Variants in NCLN observed in about 807,000 individuals in gnomAD.
The protein encoded by NCLN is nicalin, also known as BOS complex subunit NCLN.
NCLN carries 34 observed loss-of-function variants against 69.5 expected under a neutral mutation model. The ratio of observed to expected loss-of-function variants is 0.49; its 90% CI spans 0.37 to 0.65. NCLN has a LOEUF of 0.65. Ranked by LOEUF, NCLN falls within the 30% of genes least tolerant of loss-of-function variation. The pLI, the probability that NCLN is intolerant of heterozygous loss-of-function variation, is 0.00. For synonymous variants in NCLN, 393 were observed against 358.3 expected, an observed-to-expected ratio of 1.10 and a Z score of -1.09; for missense variants, 710 against 804.8, an observed-to-expected ratio of 0.88 and a Z score of 1.42.
intron 1 of NCLN, among the ~76,000 whole-genome samples, chr19:3,188,722 G>A (rs144184180): frequency 6.6e-6 from 1 of 152,298 alleles, no homozygotes; most frequent in Non-Finnish European, 1.5e-5. Flanking sequence ...TGTGGCATTC[G>A]CCCAGCTGGT....
Position 3,207,619 on chromosome 19 carries a change from G to A in NCLN, c.1633-10G>A. On this transcript the variant is annotated splice_polypyrimidine_tract_variant and intron_variant, in intron 14 of 14. Coordinates refer to ENST00000246117, the MANE Select transcript of NCLN (RefSeq NM_020170.4). ...GCCCACATCCTCACTCCCTCCTGCT[G>A]TGTCCCCAGCACTTCAGCCTCCTCT... is the stretch of plus-strand genomic sequence containing the variant. 19 of 1,612,866 alleles carry A rather than the reference G, an allele frequency of 1.2e-5. No homozygotes were observed. The highest frequency in any genetic ancestry group is 1.6e-5 in the Non-Finnish European group (19 of 1,179,828).
chr19:3,206,031 G>A lies in NCLN; in HGVS notation c.1296+5G>A, dbSNP rs1310284038. 6 of 1,612,292 alleles carry A rather than the reference G, an allele frequency of 3.7e-6. No homozygotes were observed. Among genetic ancestry groups the A allele is most frequent in the Non-Finnish European group, 5.1e-6 (6 of 1,179,936 alleles). ...ATCTACAACCTGACAGAGAAGGTGA[G>A]CCCTGAGCCCTCTGTGCCGCCAGAC... is the stretch of plus-strand genomic sequence containing the variant. On this transcript the variant is annotated splice_donor_5th_base_variant and intron_variant, in intron 10 of 14. Transcript: ENST00000246117.
intron 3 of NCLN, among the ~76,000 whole-genome samples, chr19:3,194,384 A>G (rs371488073): frequency 2.4e-4 from 35 of 148,434 alleles, no homozygotes; most frequent in African/African-American, 7.4e-4. Context: ...TGTCCATCTC[A>G]AAAAAAAAAA....
Position 3,192,502 on chromosome 19 carries a change from C to A in NCLN, c.217C>A (p.Arg73Ser). ...TRNAVLNTEA[R>S]TMAAEVLSRR... The stretch of plus-strand genomic sequence containing the variant: ...GAATGCAGTGCTGAACACGGAGGCG[C>A]GCACGATGGCGGCGGAGGTGCTGAG... Residue 73 changes from arginine (R) to serine (S), a missense_variant, in exon 2 of 15, where the codon CGC becomes AGC. Physicochemically the swap from Arg to Ser is moderately radical, Grantham distance 110 (BLOSUM62 -1). Transcript: ENST00000246117. 1 of 1,607,316 alleles carries A rather than the reference C, an allele frequency of 6.2e-7. No homozygotes were observed. The highest frequency in any genetic ancestry group is 8.5e-7 in the Non-Finnish European group (1 of 1,177,980).
rs777953086 is a variant in NCLN at position 3,207,606 on chromosome 19, ACTCC to A, written c.1633-18_1633-15del. The A allele has an allele frequency of 6.2e-7, 1 of 1,611,524 alleles. No individual in the cohort carries two copies. The highest frequency in any genetic ancestry group is 1.7e-5 in the Admixed American group (1 of 59,910). ...GGGCTCTGGCCCCGCCCACATCCTC[ACTCC>A]CTCCTGCTGTGTCCCCAGCACTTCA... On this transcript the variant is annotated intron_variant, in intron 14 of 14. Transcript: ENST00000246117.
At chr19:3,201,896 G>A (rs1916135172) in intron 6 of NCLN, among the ~76,000 whole-genome samples, 1 of 152,152 alleles carries the variant, frequency 6.6e-6, no homozygotes, top group Non-Finnish European at 1.5e-5. Flanking sequence ...CCCGGTTAAG[G>A]GCCCTGGAAC....
intron 1 of NCLN, among the ~76,000 whole-genome samples, chr19:3,191,365 C>G (rs149504935): frequency 6.6e-6 from 1 of 152,260 alleles, no homozygotes; most frequent in East Asian, 1.9e-4. Context: ...CGTGATGGAG[C>G]GACAGCCCCA....
At chr19:3,195,539 G>A (rs1253627368) in intron 3 of NCLN, among the ~76,000 whole-genome samples, 4 of 152,102 alleles carry the variant, frequency 2.6e-5, no homozygotes, top group Non-Finnish European at 5.9e-5. Flanking sequence ...GTGAGCCACC[G>A]CGCCCGGCCG....
intron 11 of NCLN, 27 bp from the exon 12 acceptor site, chr19:3,206,235 C>T: frequency 1.3e-6 from 2 of 1,529,308 alleles, no homozygotes; most frequent in Non-Finnish European, 1.8e-6. Flanking sequence ...CGGGGCCAGG[C>T]CATGACTACC....
chr19:3,198,792 C>G lies in NCLN; in HGVS notation c.616-25C>G, dbSNP rs369538870. On this transcript the variant is annotated intron_variant, in intron 4 of 14. Coordinates refer to ENST00000246117, the MANE Select transcript of NCLN (RefSeq NM_020170.4). The stretch of plus-strand genomic sequence containing the variant: ...GTCACCTGCCCCAGGAACAGCCAGG[C>G]CATTCCCCTGCTCTCTATCCACAGG... The G allele has an allele frequency of 9.8e-5, 154 of 1,567,684 alleles. No individual in the cohort carries two copies. The African/African-American group carries it at 2.1e-3, about 21-fold the overall frequency.
In NCLN at chr19:3,204,847, C is replaced by T. The variant is rs1049082205; in HGVS notation, c.1208+96C>T. Reference sequence around the variant, plus strand: ...AGAGGCCATGAGAGCCTGGAGGGAGCGGCCCCCACACACAGGCTGCGAGGA... The same window carrying T: ...AGAGGCCATGAGAGCCTGGAGGGAGTGGCCCCCACACACAGGCTGCGAGGA... On this transcript the variant is annotated intron_variant, in intron 9 of 14. Transcript: ENST00000246117. 18 of 1,244,810 alleles carry T rather than the reference C, an allele frequency of 1.4e-5. 1 individual carries two copies. The South Asian group carries it at 1.8e-4, about 12-fold the overall frequency. 77.1% of individuals were successfully genotyped at this position (1,244,810 alleles called of 1,614,324 possible).
intron 13 of NCLN, 59 bp downstream of exon 13, chr19:3,207,310 G>A (rs1458778543): frequency 6.2e-7 from 1 of 1,612,748 alleles, no homozygotes; most frequent in South Asian, 1.1e-5. Context: ...CAGCCGAGGG[G>A]ACTGCGGCCC....
rs759323368 is a variant in NCLN, at chr19:3,206,287, C to A, written c.1361C>A (p.Ser454Ter). Residue 454 changes from serine to a stop codon, truncating the protein, a stop_gained, in exon 12 of 15, where the codon TCG (serine) becomes TAG (stop). Transcript: ENST00000246117. LOFTEE classifies it high-confidence loss of function. ...CAGATCCAGCAGGAGCAGCTGGACT[C>A]GGTGATGGACTGGCTCACCAACCAG... Reference protein sequence around the residue: ...QMQIQQEQLDSVMDWLTNQPR... With the variant: ...QMQIQQEQLD 6.5e-7 allele frequency: 1 copy of A among 1,547,836 alleles called. No homozygotes were observed.
chr19:3,189,194 T>G (rs1248300800), intron 1 of NCLN, among the ~76,000 whole-genome samples: 3 of 152,148 alleles, frequency 2.0e-5, no homozygotes, highest in Non-Finnish European at 4.4e-5. Context: ...GGTGAAGGCT[T>G]TCTCGGCTCG....
chr19:3,198,869 C>G lies in NCLN; in HGVS notation c.668C>G (p.Ala223Gly). 1 of 1,561,130 alleles carries G rather than the reference C, an allele frequency of 6.4e-7. No homozygotes were observed. The highest frequency in any genetic ancestry group is 8.7e-7 in the Non-Finnish European group (1 of 1,153,830). The change falls in exon 5 of 15, where the codon GCC becomes GGC. Residue 223 changes from alanine to glycine, a missense_variant. Transcript: ENST00000246117. The part of the protein sequence containing the change: ...GEDLPTIVIV[A>G]HYDAFGVAPW... ...GACCTTCCCACCATCGTCATCGTGG[C>G]CCACTACGACGCCTTTGGAGTGGCC... is the stretch of plus-strand genomic sequence containing the variant.
At chr19:3,201,488 G>A in intron 5 of NCLN, 35 bp from the exon 6 acceptor site, 1 of 1,488,286 alleles carries the variant, frequency 6.7e-7, no homozygotes, top group South Asian at 1.2e-5. Context: ...AGCCGGGCGG[G>A]GGTGACTGTG....
In NCLN at chr19:3,208,037, T is replaced by TGCCCGATCGCGCGCGGCCTCC; in HGVS notation, c.*354_*374dup. On this transcript the variant is annotated 3_prime_UTR_variant, in exon 15 of 15. Transcript: ENST00000246117. ...TTAAAGAGGAGACGCCGGGACCCCC[T>TGCCCGATCGCGCGCGGCCTCC]GCCCGATCGCGCGCGGCCTCCGCCC... 1 of 279,648 alleles carries TGCCCGATCGCGCGCGGCCTCC rather than the reference T, an allele frequency of 3.6e-6. No individual in the cohort carries two copies. Among genetic ancestry groups the TGCCCGATCGCGCGCGGCCTCC allele is most frequent in the African/African-American group, 2.2e-5 (1 of 45,544 alleles). The allele number at this position is 279,648 out of a possible 1,614,324, so 17.3% of individuals were successfully genotyped here.
chr19:3,189,375 C>T (rs1431013831), intron 1 of NCLN, among the ~76,000 whole-genome samples: 1 of 152,262 alleles, frequency 6.6e-6, no homozygotes, highest in East Asian at 1.9e-4. Flanking sequence ...GTCTGGCTCT[C>T]TGCCTGTTGT....
In NCLN at chr19:3,207,383, C is replaced by A; in HGVS notation, c.1554-8C>A. 6.2e-7 allele frequency: 1 copy of A among 1,613,096 alleles called. No homozygotes were observed. The highest frequency in any genetic ancestry group is 8.5e-7 in the Non-Finnish European group (1 of 1,179,992). ...TCCTCGACCTCAGGGACCCTGCTTTCTCCACAGAGTCAAGCCGGCCGTCTT... is the reference window on the plus strand; with the variant it reads ...TCCTCGACCTCAGGGACCCTGCTTTATCCACAGAGTCAAGCCGGCCGTCTT... On this transcript the variant is annotated splice_region_variant and splice_polypyrimidine_tract_variant and intron_variant, in intron 13 of 14. Transcript: ENST00000246117.
Sources: allele counts gnomAD v4.1 joint callset (sites outside exome capture counted in the v4.1 genomes callset), GRCh38; gene constraint gnomAD v4.1.1; transcripts MANE v1.5; gene names NCBI Gene and HGNC (gene_info 2026-07-23, HGNC 2026-07-21).